NKAIN3: variants seen among roughly 807,000 people sequenced by gnomAD.
NKAIN3 encodes the protein sodium/potassium-transporting ATPase subunit beta-1-interacting protein 3.
Under a neutral mutation model 30.2 loss-of-function variants are expected in NKAIN3, and 25 were observed. The ratio of observed to expected loss-of-function variants is 0.83; its 90% confidence interval spans 0.60 to 1.16. NKAIN3 has a LOEUF of 1.16. Ranked by LOEUF, NKAIN3 falls within the 50% of genes most tolerant of loss-of-function variation. The pLI is 0.00. For missense variants in NKAIN3, 225 were observed against 254.1 expected, an observed-to-expected ratio of 0.89 and a Z score of 0.78; for synonymous variants, 91 against 89.6, an observed-to-expected ratio of 1.02 and a Z score of -0.09.
chr8:62,787,937 C>T (rs1817576532), intron 4 of NKAIN3, among the ~76,000 whole-genome samples: 2 of 152,264 alleles, frequency 1.3e-5, no homozygotes, highest in South Asian at 4.1e-4. Context: ...CATTGTTGGA[C>T]ATCTGGCTTG....
intron 1 of NKAIN3, among the ~76,000 whole-genome samples, chr8:62,301,060 G>A (rs1271781585): frequency 6.6e-6 from 1 of 151,982 alleles, no homozygotes; most frequent in African/African-American, 2.4e-5. Context: ...TGAAGAGACT[G>A]GGCATTGCTC....
At chr8:62,519,642 G>T (rs1808094681) in intron 1 of NKAIN3, among the ~76,000 whole-genome samples, 1 of 152,134 alleles carries the variant, frequency 6.6e-6, no homozygotes, top group African/African-American at 2.4e-5. Context: ...TGATCATTCT[G>T]CATGATTGCT....
Position 62,894,161 on chromosome 8 carries a change from A to T in NKAIN3, c.472-24292A>T, listed in dbSNP as rs541714397. Among the ~76,000 whole-genome samples the T allele has an allele frequency of 2.0e-5, 3 of 152,168 alleles. No homozygotes were observed. In the East Asian group the frequency reaches 5.8e-4, roughly 29 times the overall value. ...CAGTGGCAAAAATGCTGGAGTTTTG[A>T]TTATTTGTATAGTGATCCTGATGTA... On this transcript the variant is annotated intron_variant, in intron 4 of 6. Transcript: ENST00000623646.
chr8:62,514,598 T>G (rs1420988361), intron 1 of NKAIN3, among the ~76,000 whole-genome samples: 1 of 152,152 alleles, frequency 6.6e-6, no homozygotes, highest in Non-Finnish European at 1.5e-5. Context: ...TGTAGGCTGA[T>G]AGTAGTTCAA....
At chr8:62,556,025 T>G (rs1189108584) in intron 1 of NKAIN3, among the ~76,000 whole-genome samples, 1 of 151,988 alleles carries the variant, frequency 6.6e-6, no homozygotes, top group African/African-American at 2.4e-5. Context: ...GAGACTCTCA[T>G]TTAACAAATT....
chr8:62,290,776 G>T (rs1475745528), intron 1 of NKAIN3, among the ~76,000 whole-genome samples: 2 of 151,930 alleles, frequency 1.3e-5, no homozygotes, highest in Non-Finnish European at 2.9e-5. Context: ...GGATGATTCT[G>T]CTTTTTCTAT....
chr8:62,297,719 T>C (rs1364265149), intron 1 of NKAIN3, among the ~76,000 whole-genome samples: 2 of 152,132 alleles, frequency 1.3e-5, no homozygotes, highest in Non-Finnish European at 2.9e-5. Context: ...TTTTACACTG[T>C]TGGTGGGAAT....
chr8:62,636,597 G>T (rs1433143771), intron 3 of NKAIN3, among the ~76,000 whole-genome samples: 2 of 152,172 alleles, frequency 1.3e-5, no homozygotes, highest in East Asian at 1.9e-4. Context: ...AAAATAAAAG[G>T]TCTCGTAGAG....
chr8:62,573,038 G>T (rs1319502704), intron 1 of NKAIN3, among the ~76,000 whole-genome samples: 1 of 152,152 alleles, frequency 6.6e-6, no homozygotes, highest in Non-Finnish European at 1.5e-5. Context: ...TCATAGACTT[G>T]CAGGAAATGT....
At chr8:62,363,927 C>G (rs1417933653) in intron 1 of NKAIN3, among the ~76,000 whole-genome samples, 6 of 152,184 alleles carry the variant, frequency 3.9e-5, no homozygotes, top group Non-Finnish European at 8.8e-5. Context: ...AGTCCTTAGT[C>G]TCTTTCTATT....
chr8:62,758,073 AG>A (rs1424451446), intron 4 of NKAIN3, among the ~76,000 whole-genome samples: 3 of 152,180 alleles, frequency 2.0e-5, no homozygotes, highest in African/African-American at 7.2e-5. Flanking sequence ...AACCTCGAGG[AG>A]GACTTCACAG....
chr8:62,884,575 T>G (rs1301893919), intron 4 of NKAIN3, among the ~76,000 whole-genome samples: 3 of 152,204 alleles, frequency 2.0e-5, no homozygotes, highest in Non-Finnish European at 4.4e-5. Flanking sequence ...TTATATCATT[T>G]CTTCCTTAAA....
chr8:62,384,589 A>G (rs1475325002), intron 1 of NKAIN3, among the ~76,000 whole-genome samples: 1 of 152,128 alleles, frequency 6.6e-6, no homozygotes, highest in Non-Finnish European at 1.5e-5. Context: ...AATTTATTGG[A>G]AAAAATATGC....
intron 1 of NKAIN3, among the ~76,000 whole-genome samples, chr8:62,292,547 A>G (rs985247107): frequency 1.7e-4 from 26 of 152,226 alleles, no homozygotes; most frequent in African/African-American, 6.3e-4. Context: ...TTTCTTTAAG[A>G]ATGTTGAATA....
intron 1 of NKAIN3, among the ~76,000 whole-genome samples, chr8:62,429,668 ATCTACTT>A (rs1443896018): frequency 3.3e-5 from 5 of 151,784 alleles, no homozygotes; most frequent in Non-Finnish European, 7.4e-5. Context: ...TTATTCGAGG[ATCTACTT>A]TCTGCCACTT....
At chr8:62,863,940 C>T in intron 4 of NKAIN3, 1 of 1,009,958 alleles carries the variant, frequency 9.9e-7, no homozygotes, top group Non-Finnish European at 1.6e-6. Flanking sequence ...TGGGGTCTGC[C>T]AAAGGTGGCG....
chr8:62,861,153 C>T (rs917739116), intron 4 of NKAIN3, among the ~76,000 whole-genome samples: 1 of 152,168 alleles, frequency 6.6e-6, no homozygotes, highest in Non-Finnish European at 1.5e-5. Flanking sequence ...TCAAGGCACA[C>T]ATGACAGAAT....
At chr8:62,802,011 G>A (rs1818081814) in intron 4 of NKAIN3, among the ~76,000 whole-genome samples, 1 of 152,162 alleles carries the variant, frequency 6.6e-6, no homozygotes, top group Admixed American at 6.5e-5. Context: ...CTGGAAGAAA[G>A]GGTATCAGTG....
chr8:62,992,440 T>A (rs559345348), intron 5 of NKAIN3, among the ~76,000 whole-genome samples: 1 of 152,220 alleles, frequency 6.6e-6, no homozygotes, highest in African/African-American at 2.4e-5. Flanking sequence ...TATTTTTGAA[T>A]CAGTGAAACT....
Sources: gnomAD v4.1 joint callset for allele counts (sites outside exome capture counted in the v4.1 genomes callset) on GRCh38, gnomAD v4.1.1 for gene constraint, MANE v1.5 for transcripts, NCBI Gene and HGNC (gene_info 2026-07-23, HGNC 2026-07-21) for gene names.